MYO1B: variants seen among roughly 807,000 people sequenced by gnomAD.
The protein encoded by MYO1B is myosin IB.
Under a neutral mutation model 159.7 loss-of-function variants are expected in MYO1B, and 72 were observed. The ratio of observed to expected loss-of-function variants is 0.45; its 90% CI spans 0.37 to 0.55. The LOEUF is 0.55. MYO1B is among the 20% of genes least tolerant of loss of function. The pLI is 0.00. For synonymous variants in MYO1B, 468 were observed against 473.8 expected, an observed-to-expected ratio of 0.99 and a Z score of 0.16; for missense variants, 1,062 against 1,364.8, an observed-to-expected ratio of 0.78 and a Z score of 3.50.
chr2:191,338,607 G>A (rs1451344276), intron 4 of MYO1B, among the ~76,000 whole-genome samples: 2 of 152,072 alleles, frequency 1.3e-5, no homozygotes, highest in Non-Finnish European at 2.9e-5. Flanking sequence ...AATTCTAGTA[G>A]CCACCAAAAG....
At chr2:191,345,796 G>A (rs905066420) in intron 5 of MYO1B, among the ~76,000 whole-genome samples, 1 of 152,032 alleles carries the variant, frequency 6.6e-6, no homozygotes, top group Admixed American at 6.6e-5. Flanking sequence ...CAATTTAAAG[G>A]TTCACATGCC....
intron 7 of MYO1B, among the ~76,000 whole-genome samples, chr2:191,353,509 TAGA>T (rs1315026183): frequency 1.3e-5 from 2 of 152,212 alleles, no homozygotes; most frequent in Non-Finnish European, 2.9e-5. Flanking sequence ...AACTATGGAC[TAGA>T]CAGGTCGTCT....
chr2:191,324,987 C>T (rs1334927506), intron 3 of MYO1B, among the ~76,000 whole-genome samples: 7 of 152,066 alleles, frequency 4.6e-5, no homozygotes, highest in Non-Finnish European at 5.9e-5. Context: ...AACGTAGTGC[C>T]TCTCCTTAAG....
At chr2:191,296,881 T>A (rs984133821) in intron 3 of MYO1B, among the ~76,000 whole-genome samples, 1 of 152,188 alleles carries the variant, frequency 6.6e-6, no homozygotes. Flanking sequence ...TGTTTTCTAG[T>A]CTGAATGACT....
chr2:191,402,457 C>T (rs1696672748), intron 23 of MYO1B, 175 bp from the exon 24 acceptor site: 15 of 618,174 alleles, frequency 2.4e-5, no homozygotes, highest in Non-Finnish European at 4.3e-5. Flanking sequence ...AAAATATAAG[C>T]GCTGCACCAG....
intron 25 of MYO1B, 122 bp from the exon 26 acceptor site, chr2:191,408,922 C>A: frequency 9.2e-7 from 1 of 1,081,868 alleles, no homozygotes; most frequent in Non-Finnish European, 1.3e-6. Context: ...AGTTACAGTT[C>A]TATAAATTCC....
At chr2:191,303,480 A>G (rs1689459383) in intron 3 of MYO1B, among the ~76,000 whole-genome samples, 2 of 152,164 alleles carry the variant, frequency 1.3e-5, no homozygotes, top group Non-Finnish European at 2.9e-5. Context: ...CTTTTTATTT[A>G]TTACTGTAGA....
intron 19 of MYO1B, 81 bp downstream of exon 19, chr2:191,392,282 CATT>C (rs1695803069): frequency 3.9e-6 from 4 of 1,035,894 alleles, no homozygotes; most frequent in Non-Finnish European, 5.6e-6. Context: ...AACTTTATAA[CATT>C]ATATGAGGGG....
rs1695799444 is a variant in MYO1B, at chr2:191,392,240, G to A, written c.2076+39G>A. ...ACCTTTACACTCTGAACTTAAGTTG[G>A]AATCGTATAGGAAAGTTCTTAAAAT... On this transcript the variant is annotated intron_variant, in intron 19 of 30. Coordinates refer to ENST00000392318, the MANE Select transcript of MYO1B (RefSeq NM_001130158.3). 5 of 1,463,294 alleles carry A rather than the reference G, an allele frequency of 3.4e-6. No individual in the cohort carries two copies. In the East Asian group the frequency reaches 1.1e-4, roughly 34 times the overall value. 90.6% of individuals were successfully genotyped at this position (1,463,294 alleles called of 1,614,324 possible). A position where few individuals can be genotyped will look rare whatever the true frequency, so the allele number is the denominator to read the frequency against.
At chr2:191,333,132 T>G (rs1691600044) in intron 4 of MYO1B, among the ~76,000 whole-genome samples, 1 of 152,240 alleles carries the variant, frequency 6.6e-6, no homozygotes, top group Non-Finnish European at 1.5e-5. Flanking sequence ...TAAAAATTAG[T>G]TGATTTGCTT....
chr2:191,267,122 G>A (rs1274139938), intron 1 of MYO1B, among the ~76,000 whole-genome samples: 1 of 152,142 alleles, frequency 6.6e-6, no homozygotes, highest in Non-Finnish European at 1.5e-5. Context: ...AACCTAGGGT[G>A]TTAACCCTTA....
At chr2:191,296,526 G>C (rs886323682) in intron 3 of MYO1B, among the ~76,000 whole-genome samples, 2 of 152,158 alleles carry the variant, frequency 1.3e-5, no homozygotes, top group Non-Finnish European at 2.9e-5. Flanking sequence ...ACAGGAATGT[G>C]CATTGTTTAT....
Position 191,263,307 on chromosome 2 carries a change from A to G in MYO1B, c.-9-13580A>G, listed in dbSNP as rs543046198. Reference sequence around the variant, plus strand: ...TAGTGTGTTCTCCCTGTCACAACGAATGTTTGTCTCTCTCTTTCATATGAA... The same window carrying G: ...TAGTGTGTTCTCCCTGTCACAACGAGTGTTTGTCTCTCTCTTTCATATGAA... On this transcript the variant is annotated intron_variant, in intron 1 of 30. Transcript: ENST00000392318. 1.2e-5 allele frequency: 12 copies of G among 984,952 alleles called. No individual in the cohort carries two copies. In the South Asian group the frequency reaches 5.2e-4, roughly 42 times the overall value. The allele number at this position is 984,952 out of a possible 1,614,324, so 61.0% of individuals were successfully genotyped here.
intron 4 of MYO1B, among the ~76,000 whole-genome samples, chr2:191,336,050 C>T (rs1185694421): frequency 1.3e-5 from 2 of 152,136 alleles, no homozygotes; most frequent in Admixed American, 1.3e-4. Flanking sequence ...ACCTTTCAAG[C>T]ACTGATGGGG....
intron 13 of MYO1B, among the ~76,000 whole-genome samples, chr2:191,377,105 G>A (rs141498446): frequency 7.9e-5 from 12 of 152,182 alleles, no homozygotes; most frequent in African/African-American, 2.2e-4. Flanking sequence ...AAGCCCTAGC[G>A]TTTAAAATTT....
At chr2:191,263,192 C>G (rs1305443256) in intron 1 of MYO1B, 1 of 252,424 alleles carries the variant, frequency 4.0e-6, no homozygotes, top group East Asian at 1.8e-4. Flanking sequence ...ATAAAACAGC[C>G]CTGTATGGAA....
chr2:191,304,465 G>C (rs558278142), intron 3 of MYO1B, among the ~76,000 whole-genome samples: 1 of 152,234 alleles, frequency 6.6e-6, no homozygotes, highest in East Asian at 1.9e-4. Context: ...AGCTACTCGG[G>C]GGGCTGAGGC....
intron 24 of MYO1B, 76 bp downstream of exon 24, chr2:191,402,794 T>C: frequency 4.5e-6 from 5 of 1,107,186 alleles, no homozygotes; most frequent in Non-Finnish European, 6.5e-6. Context: ...GAGAAAATGA[T>C]TGATTATGCT....
intron 2 of MYO1B, among the ~76,000 whole-genome samples, chr2:191,294,134 A>G (rs1359800952): frequency 6.6e-6 from 1 of 152,202 alleles, no homozygotes; most frequent in Non-Finnish European, 1.5e-5. Context: ...AGTATGTGTA[A>G]CAGTCACAAG....
Sources: allele counts gnomAD v4.1 joint callset (sites outside exome capture counted in the v4.1 genomes callset), GRCh38; gene constraint gnomAD v4.1.1; transcripts MANE v1.5; gene names NCBI Gene and HGNC (gene_info 2026-07-23, HGNC 2026-07-21).